The following ANXA8 variants were observed in gnomAD, a reference collection of about 807,000 sequenced individuals.
ANXA8 encodes annexin A8.
ANXA8 carries 9 observed loss-of-function variants against 26.8 expected under a neutral mutation model. The ratio of observed to expected loss-of-function variants is 0.34; its 90% CI spans 0.20 to 0.59. The LOEUF is 0.59. Ranked by LOEUF, ANXA8 falls within the 20% of genes least tolerant of loss-of-function variation. The probability of loss-of-function intolerance (pLI) is 0.84; values close to 1 mark genes in which losing one functional copy is unlikely to be tolerated. For missense variants in ANXA8, 83 were observed against 238.5 expected (o/e 0.35, Z 4.29); for synonymous variants, 39 against 94.8 (o/e 0.41, Z 3.42).
the ANXA8 span, among the ~76,000 whole-genome samples, chr10:47,626,993 T>C: frequency 6.7e-6 from 1 of 149,480 alleles, no homozygotes; most frequent in African/African-American, 2.6e-5. Context: ...AAGAAGAACC[T>C]AACAGAAACA....
the ANXA8 span, among the ~76,000 whole-genome samples, chr10:47,646,918 T>C: frequency 6.6e-6 from 1 of 152,152 alleles, no homozygotes; most frequent in Non-Finnish European, 1.5e-5. Flanking sequence ...AGCGGTGATT[T>C]AGTATGTATT....
chr10:47,559,142 C>CTTTTTTTT, the ANXA8 span, among the ~76,000 whole-genome samples: 20 of 73,308 alleles, frequency 2.7e-4, 1 homozygote, highest in East Asian at 3.6e-3. Flanking sequence ...TGGAGTCTTA[C>CTTTTTTTT]TTTTTTTTTT....
chr10:47,741,788 A>G, the ANXA8 span, among the ~76,000 whole-genome samples: 1 of 151,774 alleles, frequency 6.6e-6, no homozygotes, highest in Admixed American at 6.6e-5. Context: ...GATGAATCAT[A>G]TATGTGAATT....
At chr10:47,679,698 C>T in the ANXA8 span, among the ~76,000 whole-genome samples, 26 of 150,412 alleles carry the variant, frequency 1.7e-4, no homozygotes, top group South Asian at 4.2e-4. Flanking sequence ...GTAGGATGAT[C>T]GCTTGAGCCC....
the ANXA8 span, among the ~76,000 whole-genome samples, chr10:47,631,025 C>A: frequency 1.3e-5 from 2 of 149,962 alleles, no homozygotes; most frequent in South Asian, 4.1e-4. Flanking sequence ...ATTTCCAGAT[C>A]TGTTGGGAAC....
chr10:47,743,842 C>G, the ANXA8 span, among the ~76,000 whole-genome samples: 1 of 146,494 alleles, frequency 6.8e-6, no homozygotes, highest in East Asian at 2.2e-4. Flanking sequence ...AGCGGGGACA[C>G]CGCCGTCTGC....
At chr10:47,554,734 A>T in the ANXA8 span, among the ~76,000 whole-genome samples, 46 of 149,100 alleles carry the variant, frequency 3.1e-4, no homozygotes, top group East Asian at 5.8e-3. Context: ...TGACCTTGTT[A>T]TCACCCCCAG....
chr10:47,948,909 CAAGT>C, the ANXA8 span, among the ~76,000 whole-genome samples: 90 of 150,220 alleles, frequency 6.0e-4, no homozygotes, highest in Non-Finnish European at 2.8e-4. Context: ...GACTCTCCTG[CAAGT>C]AAGAGAGAAT....
chr10:47,776,763 A>G, the ANXA8 span, among the ~76,000 whole-genome samples: 1 of 151,940 alleles, frequency 6.6e-6, no homozygotes, highest in Non-Finnish European at 1.5e-5. Flanking sequence ...TTTGTGGAAT[A>G]TATGTTGAAC....
At position 47,482,245 on chromosome 10, in the gene ANXA8, G is replaced by A. The variant is rs1295369223; in HGVS notation, c.21+1668C>T. On this transcript the variant is annotated intron_variant, in intron 1 of 11. Transcript: ENST00000585281. Reference sequence around the variant, plus strand: ...GCCAGCTCTCACATGGGGTATGGACGACCAGGGTATGGTTTTGGCCCTGGA... The same window carrying A: ...GCCAGCTCTCACATGGGGTATGGACAACCAGGGTATGGTTTTGGCCCTGGA... 1.2e-4 allele frequency among the ~76,000 whole-genome samples: 15 copies of A among 127,384 alleles called. 2 individuals are homozygous for A. Among genetic ancestry groups the A allele is most frequent in the Non-Finnish European group, 1.6e-4 (10 of 63,190 alleles). The allele number at this position is 127,384 out of a possible 152,430, so 83.6% of individuals were successfully genotyped here.
At chr10:47,566,271 G>A in the ANXA8 span, among the ~76,000 whole-genome samples, 4 of 151,486 alleles carry the variant, frequency 2.6e-5, no homozygotes, top group African/African-American at 9.7e-5. Context: ...GCCACCTTCA[G>A]TCGCAAGTTG....
the ANXA8 span, among the ~76,000 whole-genome samples, chr10:47,577,199 T>C: frequency 7.3e-6 from 1 of 137,592 alleles, no homozygotes; most frequent in Non-Finnish European, 1.5e-5. Context: ...CACTCCAGCC[T>C]GGGCGACAGA....
At chr10:47,680,575 C>A in the ANXA8 span, among the ~76,000 whole-genome samples, 1 of 151,380 alleles carries the variant, frequency 6.6e-6, no homozygotes, top group East Asian at 1.9e-4. Context: ...GCAGAGGTTG[C>A]AGTGAGCTGA....
chr10:47,939,994 C>T, the ANXA8 span, among the ~76,000 whole-genome samples: 7 of 145,426 alleles, frequency 4.8e-5, no homozygotes, highest in Non-Finnish European at 9.0e-5. Flanking sequence ...CTTGAATCCA[C>T]AGACTCCTTA....
At chr10:47,954,077 A>G in the ANXA8 span, among the ~76,000 whole-genome samples, 67 of 151,150 alleles carry the variant, frequency 4.4e-4, no homozygotes, top group Non-Finnish European at 7.7e-4. Context: ...TATATCAAAG[A>G]GACAGCTGCA....
the ANXA8 span, among the ~76,000 whole-genome samples, chr10:47,676,091 T>C: frequency 6.6e-6 from 1 of 151,526 alleles, no homozygotes; most frequent in East Asian, 1.9e-4. Flanking sequence ...TTTATGGACA[T>C]AGCAGAAGAA....
the ANXA8 span, among the ~76,000 whole-genome samples, chr10:47,733,198 T>TTTCTTTCTTTCTTTCTTTC: frequency 8.0e-5 from 9 of 112,092 alleles, no homozygotes; most frequent in East Asian, 2.1e-3. Context: ...TCTTTCTTTC[T>TTTCTTTCTTTCTTTCTTTC]TTCTTTCTTT....
At chr10:47,587,595 C>T in the ANXA8 span, among the ~76,000 whole-genome samples, 2 of 147,102 alleles carry the variant, frequency 1.4e-5, no homozygotes, top group African/African-American at 5.5e-5. Flanking sequence ...GACTTGTGTG[C>T]CCTTGGGCAG....
the ANXA8 span, among the ~76,000 whole-genome samples, chr10:47,567,176 C>T: frequency 9.3e-6 from 1 of 107,536 alleles, no homozygotes; most frequent in South Asian, 3.3e-4. Flanking sequence ...ACTTAGGGAG[C>T]GCTGCCTCAA....
Sources: allele counts gnomAD v4.1 joint callset (sites outside exome capture counted in the v4.1 genomes callset), GRCh38; gene constraint gnomAD v4.1.1; transcripts MANE v1.5; gene names NCBI Gene and HGNC (gene_info 2026-07-23, HGNC 2026-07-21).